The following ZNF469 variants were observed in gnomAD, a reference collection of about 807,000 sequenced individuals.
ZNF469 encodes the protein zinc finger protein 469.
Under a neutral mutation model 1.0 loss-of-function variants are expected in ZNF469, and 1 was observed. That is an observed-to-expected ratio of 1.00 (90% confidence interval 0.35 to 4.73). The LOEUF (loss-of-function observed/expected upper bound fraction) is 4.73, where lower values mean the gene tolerates loss of function less well. Among genes scored for constraint, ZNF469 ranks in the 30% most tolerant of loss-of-function variants. ZNF469 has a pLI of 0.16. For synonymous variants in ZNF469, 2,703 were observed against 2,363.4 expected, an observed-to-expected ratio of 1.14 and a Z score of -4.17; for missense variants, 6,100 against 5,356.3, an observed-to-expected ratio of 1.14 and a Z score of -4.33.
the ZNF469 span, among the ~76,000 whole-genome samples, chr16:88,209,188 G>A: frequency 5.3e-5 from 8 of 151,908 alleles, no homozygotes; most frequent in South Asian, 6.2e-4. Flanking sequence ...GAGAAATGTC[G>A]CTCCCTAGTC....
chr16:88,177,525 C>G, the ZNF469 span: 1 of 152,214 alleles, frequency 6.6e-6, no homozygotes, highest in South Asian at 2.1e-4. The surrounding 1 kb of genome is among the most constrained non-coding windows in gnomAD (Gnocchi z 4.8). Context: ...AGTTTTCCAT[C>G]AAGGCACTTC....
At position 88,430,882 on chromosome 16, in the gene ZNF469, C is replaced by T. The variant is rs1319760938; in HGVS notation, c.3412C>T (p.Pro1138Ser). Reference protein sequence around the residue: ...QGPREDEPQKPRKAARQEAGG... With the variant: ...QGPREDEPQKSRKAARQEAGG... ...TCCCAGAGAGGATGAGCCACAGAAA[C>T]CCCGGAAGGCGGCGAGGCAGGAAGC... Residue 1138 changes from proline to serine, a missense_variant, in exon 3 of 3, where the codon CCC becomes TCC. By Grantham distance (74) the Pro-to-Ser change is moderately conservative (BLOSUM62 -1). Transcript: ENST00000565624. The T allele has an allele frequency of 2.6e-6, 4 of 1,537,378 alleles. No individual in the cohort carries two copies. The highest frequency in any genetic ancestry group is 2.7e-5 in the African/African-American group (2 of 72,930).
the ZNF469 span, among the ~76,000 whole-genome samples, chr16:88,297,100 A>G: frequency 2.0e-5 from 3 of 152,244 alleles, no homozygotes; most frequent in Admixed American, 6.5e-5. Context: ...GGCAGGCACC[A>G]AAACAGTGTC....
At chr16:88,112,186 C>G in the ZNF469 span, among the ~76,000 whole-genome samples, 1 of 152,154 alleles carries the variant, frequency 6.6e-6, no homozygotes, top group African/African-American at 2.4e-5. Context: ...CGCCTGAATC[C>G]CAGCACTTCG....
At chr16:88,168,169 T>A in the ZNF469 span, among the ~76,000 whole-genome samples, 1 of 152,220 alleles carries the variant, frequency 6.6e-6, no homozygotes, top group Admixed American at 6.5e-5. This position sits in a 1 kb window ranked among gnomAD's most constrained non-coding sequence, Gnocchi z 4.3. Context: ...TTACCATCTC[T>A]CTAGTTTTGA....
chr16:88,191,928 A>C, the ZNF469 span, among the ~76,000 whole-genome samples: 1 of 152,176 alleles, frequency 6.6e-6, no homozygotes, highest in Non-Finnish European at 1.5e-5. Flanking sequence ...TGTATATTGA[A>C]GTCCTAACAC....
At chr16:88,291,291 T>C in the ZNF469 span, among the ~76,000 whole-genome samples, 3 of 152,214 alleles carry the variant, frequency 2.0e-5, no homozygotes, top group Non-Finnish European at 4.4e-5. Flanking sequence ...CTCCAGGGGC[T>C]CGGCTGCTGC....
At chr16:88,315,094 G>C in the ZNF469 span, among the ~76,000 whole-genome samples, 2 of 152,248 alleles carry the variant, frequency 1.3e-5, no homozygotes, top group Non-Finnish European at 2.9e-5. Context: ...CTGGAGTTTT[G>C]AATGAGATAT....
the ZNF469 span, among the ~76,000 whole-genome samples, chr16:88,360,968 A>G: frequency 1.3e-5 from 2 of 152,240 alleles, no homozygotes; most frequent in Non-Finnish European, 2.9e-5. Context: ...TTTATTGTGC[A>G]CATTATTTCT....
At chr16:88,197,653 A>T in the ZNF469 span, among the ~76,000 whole-genome samples, 1 of 152,188 alleles carries the variant, frequency 6.6e-6, no homozygotes, top group Non-Finnish European at 1.5e-5. Flanking sequence ...CCAGAGTCTG[A>T]CAGCCACCCA....
In ZNF469 at chr16:88,410,758, G is replaced by A. The variant is rs535488432; in HGVS notation, c.-191-14049G>A. On this transcript the variant is annotated intron_variant, in intron 1 of 2. Transcript: ENST00000565624. Reference sequence around the variant, plus strand: ...TGCAGGTCACACAGTTCACAGTAACGTCTATGATGCTGTTGATGGTGCAGG... The same window carrying A: ...TGCAGGTCACACAGTTCACAGTAACATCTATGATGCTGTTGATGGTGCAGG... 8.5e-5 allele frequency among the ~76,000 whole-genome samples: 13 copies of A among 152,298 alleles called. No homozygotes were observed. The South Asian group carries it at 1.7e-3, about 19-fold the overall frequency.
chr16:88,256,934 CTTTCTTTCTTTCTTTCTTTTCTTT>C, the ZNF469 span, among the ~76,000 whole-genome samples: 4 of 14,848 alleles, frequency 2.7e-4, no homozygotes, highest in Non-Finnish European at 4.4e-4. Context: ...TTCTTTCTTT[CTTTCTTTCTTTCTTTCTTTTCTTT>C]TCTTTCGTTG....
intron 1 of ZNF469, among the ~76,000 whole-genome samples, chr16:88,394,944 T>G (rs982004945): frequency 8.5e-5 from 13 of 152,260 alleles, no homozygotes; most frequent in African/African-American, 3.1e-4. Flanking sequence ...CAGGACAACT[T>G]TACTGTGCCT....
upstream of ZNF469, among the ~76,000 whole-genome samples, chr16:88,381,000 A>G (rs561659894): frequency 2.1e-5 from 3 of 144,768 alleles, no homozygotes; most frequent in Non-Finnish European, 4.5e-5. Context: ...ACAGACATGC[A>G]CTCACACACA....
Position 88,430,437 on chromosome 16 carries a change from G to A in ZNF469, c.2967G>A (p.Arg989=). Residue 989 remains arginine, a synonymous_variant, in exon 3 of 3, where the codon CGG becomes CGA. Transcript: ENST00000565624. ...RPRRNDGLGE[R]PPPRPRRPRT... ...GGAGGAACGACGGTCTCGGGGAGCG[G>A]CCCCCACCCCGTCCCCGGCGCCCTA... 6.6e-7 allele frequency: 1 copy of A among 1,506,434 alleles called. No homozygotes were observed. The highest frequency in any genetic ancestry group is 1.2e-5 in the South Asian group (1 of 81,022). 93.3% of individuals were successfully genotyped at this position (1,506,434 alleles called of 1,614,324 possible).
At chr16:88,214,472 G>GT in the ZNF469 span, among the ~76,000 whole-genome samples, 12,750 of 148,664 alleles carry the variant, frequency 0.086, 728 homozygotes, top group African/African-American at 0.16. Flanking sequence ...GTTCTTTTGA[G>GT]TTTTTTTTTT....
At chr16:88,335,643 A>G in the ZNF469 span, among the ~76,000 whole-genome samples, 23 of 152,270 alleles carry the variant, frequency 1.5e-4, no homozygotes, top group African/African-American at 3.4e-4. Flanking sequence ...TGGGAGGGGA[A>G]TTAGCTCTGC....
At chr16:88,155,761 T>C in the ZNF469 span, among the ~76,000 whole-genome samples, 1 of 152,224 alleles carries the variant, frequency 6.6e-6, no homozygotes, top group South Asian at 2.1e-4. Flanking sequence ...CTGAAAACAC[T>C]GGTGCATCAG....
In ZNF469 at chr16:88,437,385, C is replaced by A. The variant is rs890385194; in HGVS notation, c.9915C>A (p.Pro3305=). ...CTGACGCCGGCAGCCCGGGCCCCCC[C>A]AGGACGACCCCCAGCCCGTCCCCCG... ...ALADAGSPGP[P]RTTPSPSPDP... The change falls in exon 3 of 3, where the codon CCC becomes CCA. Residue 3305 remains proline (P), a synonymous_variant. Coordinates refer to ENST00000565624, the MANE Select transcript of ZNF469 (RefSeq NM_001367624.2). 14 of 1,536,600 alleles carry A rather than the reference C, an allele frequency of 9.1e-6. No homozygotes were observed. Among genetic ancestry groups the A allele is most frequent in the Non-Finnish European group, 1.1e-5 (13 of 1,140,808 alleles).
Sources: allele counts gnomAD v4.1 joint callset (sites outside exome capture counted in the v4.1 genomes callset), GRCh38; gene constraint gnomAD v4.1.1; non-coding constraint Gnocchi (gnomAD v3.1); transcripts MANE v1.5; gene names NCBI Gene and HGNC (gene_info 2026-07-23, HGNC 2026-07-21).